Variants in LRFN5 observed in about 807,000 individuals in gnomAD.
LRFN5 encodes leucine rich repeat and fibronectin type III domain containing 5.
In LRFN5, 24 loss-of-function variants were observed where a neutral mutation model predicts 45.6. That is an observed-to-expected ratio of 0.53 (90% CI 0.38 to 0.74). LRFN5 has a LOEUF of 0.74. Among genes scored for constraint, LRFN5 ranks in the 30% least tolerant of loss-of-function variants. The probability of loss-of-function intolerance (pLI) is 0.00; values close to 1 mark genes in which losing one functional copy is unlikely to be tolerated. For synonymous variants in LRFN5, 340 were observed against 313.8 expected (o/e 1.08, Z -0.88); for missense variants, 776 against 861.5 (o/e 0.90, Z 1.24).
chr14:41,723,898 A>G (rs185148438), intron 1 of LRFN5, among the ~76,000 whole-genome samples: 1 of 152,306 alleles, frequency 6.6e-6, no homozygotes, highest in Admixed American at 6.5e-5. Flanking sequence ...TGGATTAAAA[A>G]TTATGTCCTG....
chr14:41,900,060 C>G (rs1390323915), intron 5 of LRFN5, among the ~76,000 whole-genome samples: 1 of 151,978 alleles, frequency 6.6e-6, no homozygotes, highest in African/African-American at 2.4e-5. Context: ...ACCCATCACT[C>G]TCTCTCCCTC....
rs1891193507 is a variant in LRFN5 at position 41,904,388 on chromosome 14, C to A, written c.*213C>A. 2 of 477,034 alleles carry A rather than the reference C, an allele frequency of 4.2e-6. No homozygotes were observed. The highest frequency in any genetic ancestry group is 7.3e-6 in the Non-Finnish European group (2 of 273,748). 29.6% of individuals were successfully genotyped at this position (477,034 alleles called of 1,614,324 possible). ...CTCTTTTAAAACCAAATTTTTTTTT[C>A]TTCTGGCCTACAAGTATTTTTTTTT... On this transcript the variant is annotated 3_prime_UTR_variant, in exon 6 of 6. Coordinates refer to ENST00000298119, the MANE Select transcript of LRFN5 (RefSeq NM_152447.5).
chr14:41,646,401 T>A (rs2138608880), intron 1 of LRFN5, among the ~76,000 whole-genome samples: 1 of 152,310 alleles, frequency 6.6e-6, no homozygotes, highest in African/African-American at 2.4e-5. Context: ...TCCTGTCTAT[T>A]GCTGGACTAA....
chr14:41,812,136 A>G (rs1887758214), intron 2 of LRFN5, among the ~76,000 whole-genome samples: 1 of 152,002 alleles, frequency 6.6e-6, no homozygotes, highest in Admixed American at 6.6e-5. Flanking sequence ...CTCTGAACCA[A>G]TTTTTCATTT....
rs115041302 is a variant in LRFN5 at position 41,831,068 on chromosome 14, T to C, written c.-20-55538T>C. ...TCTTGTCACTCTTAAAAACTCAGTA[T>C]TTATATTTCATTTTCTTAATCATCT... is the stretch of plus-strand genomic sequence containing the variant. On this transcript the variant is annotated intron_variant, in intron 2 of 5. Transcript: ENST00000298119. Among the ~76,000 whole-genome samples the C allele has an allele frequency of 9.6e-3, 1,458 of 152,344 alleles. 19 individuals are homozygous for C. Among genetic ancestry groups the C allele is most frequent in the African/African-American group, 0.033 (1,372 of 41,566 alleles).
At chr14:41,610,661 T>TAAAAAAAAAAAAAAAAAACAAAAAAAA (rs1887712617) in intron 1 of LRFN5, among the ~76,000 whole-genome samples, 1 of 37,340 alleles carries the variant, frequency 2.7e-5, no homozygotes, top group African/African-American at 8.3e-5. Context: ...CCAGGGAAGG[T>TAAAAAAAAAAAAAAAAAACAAAAAAAA]AAAAAAAAAA....
intron 2 of LRFN5, among the ~76,000 whole-genome samples, chr14:41,806,075 ATATATTTTGGTGTAAAATAT>A (rs1220870888): frequency 6.6e-6 from 1 of 152,182 alleles, no homozygotes; most frequent in East Asian, 1.9e-4. Context: ...TGTCAAAGAA[ATATATTTTGGTGTAAAATAT>A]TTTTATTCCT....
intron 2 of LRFN5, among the ~76,000 whole-genome samples, chr14:41,844,226 A>G (rs921101337): frequency 2.0e-5 from 3 of 152,154 alleles, no homozygotes; most frequent in Admixed American, 1.3e-4. Context: ...TCACGAGGTC[A>G]GGAGATCGAG....
chr14:41,871,364 G>C (rs1192831148), intron 2 of LRFN5, among the ~76,000 whole-genome samples: 2 of 152,142 alleles, frequency 1.3e-5, no homozygotes, highest in Non-Finnish European at 2.9e-5. Context: ...AAGGCAGGTA[G>C]ATTACCTGAG....
chr14:41,608,878 G>A (rs1176181031), intron 1 of LRFN5, among the ~76,000 whole-genome samples: 1 of 152,158 alleles, frequency 6.6e-6, no homozygotes, highest in Non-Finnish European at 1.5e-5. Context: ...GTTTCCTTCA[G>A]GCTGTGGTTG....
chr14:41,891,482 T>C lies in LRFN5; in HGVS notation c.1618T>C (p.Ser540Pro). 2 of 1,614,178 alleles carry C rather than the reference T, an allele frequency of 1.2e-6. No homozygotes were observed. Among genetic ancestry groups the C allele is most frequent in the Non-Finnish European group, 1.7e-6 (2 of 1,180,026 alleles). Residue 540 changes from serine to proline, a missense_variant, in exon 4 of 6, where the codon TCT becomes CCT. This residue lies in a region of LRFN5 where 465 missense variants were observed against 456.4 expected (regional missense o/e 1.02). Coordinates refer to ENST00000298119, the MANE Select transcript of LRFN5 (RefSeq NM_152447.5). ...TATTATTGGTGGAATCATTGTAGCA[T>C]CTGTGCTGGTATTCATCATTATTCT... is the stretch of plus-strand genomic sequence containing the variant. ...IIIIGGIIVA[S>P]VLVFIIILMI...
chr14:41,837,883 G>A (rs1156755896), intron 2 of LRFN5, among the ~76,000 whole-genome samples: 1 of 152,106 alleles, frequency 6.6e-6, no homozygotes, highest in African/African-American at 2.4e-5. Context: ...TCTCTTTTAT[G>A]GACCAATTTT....
At chr14:41,647,560 A>G (rs1489208224) in intron 1 of LRFN5, among the ~76,000 whole-genome samples, 1 of 152,168 alleles carries the variant, frequency 6.6e-6, no homozygotes, top group Non-Finnish European at 1.5e-5. Context: ...GGGGCAGAGA[A>G]GTGGAGGAAG....
intron 2 of LRFN5, among the ~76,000 whole-genome samples, chr14:41,845,556 C>T (rs1304113441): frequency 6.6e-6 from 1 of 152,040 alleles, no homozygotes; most frequent in African/African-American, 2.4e-5. Flanking sequence ...TAGTCTACAT[C>T]TCCTTGGAAA....
intron 1 of LRFN5, among the ~76,000 whole-genome samples, chr14:41,644,532 C>T (rs561531180): frequency 6.6e-6 from 1 of 152,030 alleles, no homozygotes; most frequent in Non-Finnish European, 1.5e-5. Flanking sequence ...TATCATGAAC[C>T]ATGTACCACA....
At chr14:41,779,341 G>A (rs967448474) in intron 2 of LRFN5, among the ~76,000 whole-genome samples, 4 of 151,780 alleles carry the variant, frequency 2.6e-5, no homozygotes, top group African/African-American at 9.7e-5. Flanking sequence ...TCATCATGGT[G>A]TATAATTTTT....
At chr14:41,776,737 G>T (rs540370336) in intron 2 of LRFN5, among the ~76,000 whole-genome samples, 2 of 152,058 alleles carry the variant, frequency 1.3e-5, no homozygotes, top group East Asian at 3.9e-4. Context: ...TATTTATTTT[G>T]CTGTGTGTGC....
At chr14:41,662,832 G>A (rs1448615229) in intron 1 of LRFN5, among the ~76,000 whole-genome samples, 1 of 152,038 alleles carries the variant, frequency 6.6e-6, no homozygotes, top group East Asian at 1.9e-4. Flanking sequence ...CACAACACAA[G>A]GAAGGGAATT....
At chr14:41,664,602 C>T (rs1880810608) in intron 1 of LRFN5, among the ~76,000 whole-genome samples, 1 of 151,820 alleles carries the variant, frequency 6.6e-6, no homozygotes, top group South Asian at 2.1e-4. Context: ...CTCAAGGTTA[C>T]AGTGAGCTAT....
Sources: gnomAD v4.1 joint callset for allele counts (sites outside exome capture counted in the v4.1 genomes callset) on GRCh38, gnomAD v4.1.1 for gene constraint, gnomAD v4.1.1 regional missense constraint, MANE v1.5 for transcripts, NCBI Gene and HGNC (gene_info 2026-07-23, HGNC 2026-07-21) for gene names.